Variants in CMPK1 observed in about 807,000 individuals in gnomAD.
The protein encoded by CMPK1 is UMP-CMP kinase.
In CMPK1, 10 loss-of-function variants were observed where a neutral mutation model predicts 25.7. That is an observed-to-expected ratio of 0.39 (90% CI 0.24 to 0.66). The LOEUF (loss-of-function observed/expected upper bound fraction) is 0.66, where lower values mean the gene tolerates loss of function less well. Ranked by LOEUF, CMPK1 falls within the 30% of genes least tolerant of loss-of-function variation. The pLI is 0.48. For synonymous variants in CMPK1, 106 were observed against 101.5 expected, an observed-to-expected ratio of 1.04 and a Z score of -0.27; for missense variants, 199 against 280.5, an observed-to-expected ratio of 0.71 and a Z score of 2.08.
chr1:47,352,831 TC>T lies in CMPK1; in HGVS notation c.172-15635del, dbSNP rs1646532385. Among the ~76,000 whole-genome samples the T allele has an allele frequency of 2.0e-5, 3 of 152,284 alleles. No individual in the cohort carries two copies. The South Asian group carries it at 6.2e-4, about 32-fold the overall frequency. ...ACAGTTATTTATGGTCATCATTAAA[TC>T]CCATGCTGGGCTGTGGTTTGATTGC... On this transcript the variant is annotated intron_variant, in intron 1 of 5. Coordinates refer to ENST00000371873, the MANE Select transcript of CMPK1 (RefSeq NM_016308.3).
At chr1:47,336,479 A>T (rs867258465) in intron 1 of CMPK1, among the ~76,000 whole-genome samples, 17 of 151,976 alleles carry the variant, frequency 1.1e-4, no homozygotes, top group African/African-American at 3.6e-4. Context: ...TCTACTTTAA[A>T]CTTCCTGATC....
chr1:47,337,068 A>C (rs1414374212), intron 1 of CMPK1, among the ~76,000 whole-genome samples: 1 of 152,182 alleles, frequency 6.6e-6, no homozygotes, highest in East Asian at 1.9e-4. Flanking sequence ...GTGGATCACG[A>C]GGTCAGGAGA....
In CMPK1 at chr1:47,338,015, T is replaced by C. The variant is rs142783133; in HGVS notation, c.171+3899T>C. On this transcript the variant is annotated intron_variant, in intron 1 of 5. Coordinates refer to ENST00000371873, the MANE Select transcript of CMPK1 (RefSeq NM_016308.3). The stretch of plus-strand genomic sequence containing the variant: ...TTTATACAGGCAATTATAAACTAAA[T>C]TCCAAAATAATGTAAGTTTTGGAGG... 2.9e-3 allele frequency among the ~76,000 whole-genome samples: 438 copies of C among 152,264 alleles called. 2 individuals carry two copies. Among genetic ancestry groups the C allele is most frequent in the African/African-American group, 9.9e-3 (413 of 41,554 alleles).
At chr1:47,358,047 C>A (rs1646574772) in intron 1 of CMPK1, among the ~76,000 whole-genome samples, 1 of 147,340 alleles carries the variant, frequency 6.8e-6, no homozygotes, top group Admixed American at 6.9e-5. Context: ...CTAGGAGTAA[C>A]CTGTATGAGT....
intron 1 of CMPK1, among the ~76,000 whole-genome samples, chr1:47,337,155 C>T (rs931611541): frequency 2.6e-5 from 4 of 152,006 alleles, no homozygotes; most frequent in Non-Finnish European, 4.4e-5. Context: ...TGGTGGCAGG[C>T]GCCTGTAGTC....
At chr1:47,337,444 A>T (rs1305459467) in intron 1 of CMPK1, among the ~76,000 whole-genome samples, 13 of 152,222 alleles carry the variant, frequency 8.5e-5, no homozygotes, top group South Asian at 2.1e-4. Flanking sequence ...GTATTATATT[A>T]TTAAGATTTC....
intron 1 of CMPK1, among the ~76,000 whole-genome samples, chr1:47,334,576 G>C (rs533182568): frequency 1.3e-5 from 2 of 152,306 alleles, no homozygotes; most frequent in Non-Finnish European, 2.9e-5. Flanking sequence ...CTTCCCTCTG[G>C]TTCCCTAAAC....
chr1:47,358,951 C>T, intron 1 of CMPK1: 1 of 984,612 alleles, frequency 1.0e-6, no homozygotes, highest in Non-Finnish European at 1.2e-6. Context: ...ATCTTTTGGG[C>T]CAACTTTCTT....
At chr1:47,369,266 A>G (rs1362776785) in intron 2 of CMPK1, among the ~76,000 whole-genome samples, 1 of 152,168 alleles carries the variant, frequency 6.6e-6, no homozygotes, top group African/African-American at 2.4e-5. Flanking sequence ...TCGGCCTCCC[A>G]AAGTGCTGGG....
intron 5 of CMPK1, 31 bp downstream of exon 5, chr1:47,375,324 T>A: frequency 7.5e-7 from 1 of 1,328,354 alleles, no homozygotes; most frequent in Non-Finnish European, 1.0e-6. Flanking sequence ...TTTAAAAAAA[T>A]ATGTCAAATA....
chr1:47,375,097 T>C (rs780323509), intron 4 of CMPK1, 100 bp from the exon 5 acceptor site: 14 of 1,253,982 alleles, frequency 1.1e-5, no homozygotes, highest in Non-Finnish European at 1.6e-5. Flanking sequence ...AGATGTTAGG[T>C]CAATCAGTCG....
intron 4 of CMPK1, 98 bp from the exon 5 acceptor site, chr1:47,375,088 GATGTTAGGTCA>G (rs1482965495): frequency 7.9e-7 from 1 of 1,266,214 alleles, no homozygotes; most frequent in African/African-American, 1.5e-5. Flanking sequence ...GCTTGTTTAA[GATGTTAGGTCA>G]ATCAGTCGGG....
intron 1 of CMPK1, among the ~76,000 whole-genome samples, chr1:47,366,158 C>G (rs1271182583): frequency 1.3e-5 from 2 of 152,136 alleles, no homozygotes; most frequent in Non-Finnish European, 2.9e-5. Context: ...GGTGCTCCAG[C>G]CTAGGCGACA....
At chr1:47,351,564 T>G (rs145527320) in intron 1 of CMPK1, among the ~76,000 whole-genome samples, 1,607 of 152,304 alleles carry the variant, frequency 0.011, 11 homozygotes, top group Non-Finnish European at 0.015. Flanking sequence ...AAGTATCTGT[T>G]TGAGTCTGTT....
Position 47,376,936 on chromosome 1 carries a change from G to A in CMPK1, c.*191G>A, listed in dbSNP as rs922435459. The A allele has an allele frequency of 4.7e-6, 2 of 425,062 alleles. No homozygotes were observed. Among genetic ancestry groups the A allele is most frequent in the Non-Finnish European group, 8.4e-6 (2 of 237,710 alleles). 26.3% of individuals were successfully genotyped at this position (425,062 alleles called of 1,614,324 possible). ...TCACAGGAGTAGACAGTGAATTCAG[G>A]TTTAACTTCACCTTAGTTATGGTGC... On this transcript the variant is annotated 3_prime_UTR_variant, in exon 6 of 6. Transcript: ENST00000371873.
chr1:47,359,272 G>A lies in CMPK1; in HGVS notation c.172-9197G>A, dbSNP rs536643688. ...GCAGAGCTTGCAGTGAGCCAAGATC[G>A]CGCCACCGCACTCCAGCCTGGGCAA... On this transcript the variant is annotated intron_variant, in intron 1 of 5. Coordinates refer to ENST00000371873, the MANE Select transcript of CMPK1 (RefSeq NM_016308.3). Among the ~76,000 whole-genome samples, 161 of 151,352 alleles carry A rather than the reference G, an allele frequency of 1.1e-3. 6 individuals are homozygous for A. The South Asian group carries it at 0.033, about 31-fold the overall frequency.
At chr1:47,369,142 T>G (rs1646659353) in intron 2 of CMPK1, among the ~76,000 whole-genome samples, 1 of 152,172 alleles carries the variant, frequency 6.6e-6, no homozygotes, top group African/African-American at 2.4e-5. Context: ...TAGCTGGGAC[T>G]ACAGGTGCAT....
At position 47,334,028 on chromosome 1, in the gene CMPK1, G is replaced by C; in HGVS notation, c.83G>C (p.Cys28Ser). ...LLQTRRPILL[C>S]SPRLMKPLVV... ...CAGACCCGCCGGCCGATTCTCCTCT[G>C]CTCTCCACGTCTCATGAAGCCGCTG... is the stretch of plus-strand genomic sequence containing the variant. Residue 28 changes from cysteine (C) to serine (S), a missense_variant, in exon 1 of 6, where the codon TGC becomes TCC. Physicochemically the swap from Cys to Ser is moderately radical, Grantham distance 112. Transcript: ENST00000371873. The C allele has an allele frequency of 6.4e-7, 1 of 1,556,230 alleles. No homozygotes were observed. The highest frequency in any genetic ancestry group is 2.4e-5 in the East Asian group (1 of 41,098).
At chr1:47,360,412 G>T (rs1412246330) in intron 1 of CMPK1, among the ~76,000 whole-genome samples, 3 of 152,130 alleles carry the variant, frequency 2.0e-5, no homozygotes, top group Non-Finnish European at 4.4e-5. Context: ...TATCTGAGAA[G>T]CCATCCGTAA....
Sources: allele counts gnomAD v4.1 joint callset (sites outside exome capture counted in the v4.1 genomes callset), GRCh38; gene constraint gnomAD v4.1.1; transcripts MANE v1.5; gene names NCBI Gene and HGNC (gene_info 2026-07-23, HGNC 2026-07-21).